Variants in TMTC2 observed in about 807,000 individuals in gnomAD.
The protein encoded by TMTC2 is protein O-mannosyl-transferase TMTC2.
A neutral mutation model predicts 82.4 loss-of-function variants in TMTC2; 43 were observed. The observed-to-expected ratio is 0.52, with a 90% confidence interval of 0.41 to 0.67. TMTC2 has a LOEUF of 0.67. Ranked by LOEUF, TMTC2 falls within the 30% of genes least tolerant of loss-of-function variation. TMTC2 has a pLI of 0.00. For synonymous variants in TMTC2, 408 were observed against 381.9 expected (o/e 1.07, Z -0.80); for missense variants, 919 against 1,012.4 (o/e 0.91, Z 1.25).
Position 83,050,916 on chromosome 12 carries a change from T to A in TMTC2, c.2165T>A (p.Leu722Gln). The change falls in exon 10 of 12, where the codon CTG (leucine) becomes CAG (glutamine). Residue 722 changes from leucine (L) to glutamine (Q), a missense_variant. By Grantham distance (113) the Leu-to-Gln change is moderately radical (BLOSUM62 -2). Coordinates refer to ENST00000321196, the MANE Select transcript of TMTC2 (RefSeq NM_152588.3). ...NCYMHYGQFL[L>Q]EEARLIEAAE... ...TTATACTTTTCAGGTCAGTTTCTTC[T>A]GGAAGAAGCTCGTCTCATAGAAGCA... 1 of 1,612,624 alleles carries A rather than the reference T, an allele frequency of 6.2e-7. No individual in the cohort carries two copies. Among genetic ancestry groups the A allele is most frequent in the Non-Finnish European group, 8.5e-7 (1 of 1,179,198 alleles).
intron 1 of TMTC2, among the ~76,000 whole-genome samples, chr12:82,855,468 A>C (rs10466960): frequency 0.26 from 39,774 of 152,150 alleles, 11,645 homozygotes; most frequent in African/African-American, 0.73. Flanking sequence ...AGTCTCCCAC[A>C]ACATAGTCTT....
intron 11 of TMTC2, among the ~76,000 whole-genome samples, chr12:83,070,421 C>G (rs1203006761): frequency 6.6e-6 from 1 of 151,472 alleles, no homozygotes; most frequent in Admixed American, 6.6e-5. Context: ...AGATGTATTC[C>G]TAAGTATTTT....
At chr12:82,760,318 T>G (rs1274011590) in intron 1 of TMTC2, 1 of 152,146 alleles carries the variant, frequency 6.6e-6, no homozygotes, top group Non-Finnish European at 1.5e-5. Context: ...GACCAGGTCT[T>G]TCTGTTTATA....
At chr12:82,862,443 A>G (rs1283037431) in intron 2 of TMTC2, among the ~76,000 whole-genome samples, 1 of 152,238 alleles carries the variant, frequency 6.6e-6, no homozygotes, top group Non-Finnish European at 1.5e-5. Flanking sequence ...CTGAAAGTCA[A>G]TGTAGCAATA....
intron 1 of TMTC2, among the ~76,000 whole-genome samples, chr12:82,736,056 C>A (rs546331333): frequency 2.6e-5 from 4 of 152,012 alleles, no homozygotes; most frequent in Non-Finnish European, 4.4e-5. Flanking sequence ...ATGCCTCCCT[C>A]GCCTTATCCT....
Position 82,801,995 on chromosome 12 carries a change from G to C in TMTC2, c.84-55015G>C, listed in dbSNP as rs552454367. ...CTTCACCCAGTGGATCCTGCACGGGGGCACAGGTGGAGCTGCCTGCCAGTC... is the reference window on the plus strand; with the variant it reads ...CTTCACCCAGTGGATCCTGCACGGGCGCACAGGTGGAGCTGCCTGCCAGTC... On this transcript the variant is annotated intron_variant, in intron 1 of 11. Coordinates refer to ENST00000321196, the MANE Select transcript of TMTC2 (RefSeq NM_152588.3). 8.2e-4 allele frequency among the ~76,000 whole-genome samples: 125 copies of C among 152,130 alleles called. 2 individuals carry two copies. Among genetic ancestry groups the C allele is most frequent in the South Asian group, 2.3e-3 (11 of 4,816 alleles).
intron 8 of TMTC2, among the ~76,000 whole-genome samples, chr12:83,024,892 G>A (rs1881093377): frequency 6.6e-6 from 1 of 152,082 alleles, no homozygotes; most frequent in Admixed American, 6.6e-5. Context: ...AAACTATTAA[G>A]TTATATAAAG....
chr12:82,915,627 G>A (rs879887756), intron 3 of TMTC2, among the ~76,000 whole-genome samples: 3 of 152,128 alleles, frequency 2.0e-5, no homozygotes, highest in Admixed American at 1.3e-4. Flanking sequence ...GGGAATTTAA[G>A]GGAGAAAATG....
chr12:82,882,275 A>G lies in TMTC2; in HGVS notation c.655-13543A>G, dbSNP rs189291964. On this transcript the variant is annotated intron_variant, in intron 2 of 11. Coordinates refer to ENST00000321196, the MANE Select transcript of TMTC2 (RefSeq NM_152588.3). ...CGGCCTCCCAAAGTGCTGGGATTACAGGCGTGAGCCACCGCGCCCGGCCAA... is the reference window on the plus strand; with the variant it reads ...CGGCCTCCCAAAGTGCTGGGATTACGGGCGTGAGCCACCGCGCCCGGCCAA... Among the ~76,000 whole-genome samples, 907 of 152,194 alleles carry G rather than the reference A, an allele frequency of 6.0e-3. 7 individuals are homozygous for G. Among genetic ancestry groups the G allele is most frequent in the African/African-American group, 0.021 (859 of 41,532 alleles).
intron 9 of TMTC2, among the ~76,000 whole-genome samples, chr12:83,033,474 C>T (rs1360336382): frequency 1.3e-5 from 2 of 152,230 alleles, no homozygotes; most frequent in South Asian, 2.1e-4. Flanking sequence ...ATTCTGAGTT[C>T]GGGCACGGCG....
At chr12:82,697,306 T>C (rs1240603150) in intron 1 of TMTC2, among the ~76,000 whole-genome samples, 1 of 135,652 alleles carries the variant, frequency 7.4e-6, no homozygotes, top group Non-Finnish European at 1.5e-5. Context: ...ATCACGCCAC[T>C]GCACTCCAGC....
intron 8 of TMTC2, among the ~76,000 whole-genome samples, chr12:83,015,977 C>T (rs1400424947): frequency 3.3e-5 from 5 of 152,118 alleles, no homozygotes; most frequent in East Asian, 3.9e-4. Context: ...ACTCTAGAAG[C>T]GAAAGTGAAT....
intron 9 of TMTC2, among the ~76,000 whole-genome samples, chr12:83,040,124 A>G (rs529354765): frequency 6.6e-6 from 1 of 152,260 alleles, no homozygotes; most frequent in East Asian, 1.9e-4. Flanking sequence ...CATTACCCCT[A>G]TTTTACGGAT....
At chr12:83,109,873 T>C (rs1884541096) in intron 11 of TMTC2, among the ~76,000 whole-genome samples, 7 of 152,226 alleles carry the variant, frequency 4.6e-5, no homozygotes, top group Admixed American at 4.6e-4. Flanking sequence ...TTTTCTTTAT[T>C]CTTTATTTTA....
At chr12:82,995,337 TAC>T (rs59534444) in intron 8 of TMTC2, among the ~76,000 whole-genome samples, 10,481 of 150,146 alleles carry the variant, frequency 0.07, 490 homozygotes, top group African/African-American at 0.13. Context: ...CACACACACA[TAC>T]ACACACACAC....
In TMTC2 at chr12:82,844,243, T is replaced by A. The variant is rs151309956; in HGVS notation, c.84-12767T>A. On this transcript the variant is annotated intron_variant, in intron 1 of 11. Transcript: ENST00000321196. The stretch of plus-strand genomic sequence containing the variant: ...TGACCCCACAGGATGTGAATTTTTT[T>A]AAAGTAATACTTGAATAGTTAGAGG... 5.1e-3 allele frequency among the ~76,000 whole-genome samples: 777 copies of A among 152,292 alleles called. 1 individual carries two copies. Among genetic ancestry groups the A allele is most frequent in the Non-Finnish European group, 8.0e-3 (544 of 68,020 alleles).
chr12:82,968,976 G>A (rs1878337006), intron 7 of TMTC2, among the ~76,000 whole-genome samples: 1 of 152,012 alleles, frequency 6.6e-6, no homozygotes. Context: ...TTTATGTGAA[G>A]GTCTGCTAGC....
At chr12:82,856,228 G>A (rs919055193) in intron 1 of TMTC2, among the ~76,000 whole-genome samples, 6 of 152,134 alleles carry the variant, frequency 3.9e-5, no homozygotes, top group African/African-American at 1.4e-4. Context: ...GCATGCAAAT[G>A]GAAACTATCC....
intron 1 of TMTC2, among the ~76,000 whole-genome samples, chr12:82,847,933 C>G (rs2137101394): frequency 6.6e-6 from 1 of 152,124 alleles, no homozygotes; most frequent in African/African-American, 2.4e-5. Context: ...TACCCTAGAA[C>G]TTAAAGTATA....
Sources: gnomAD v4.1 joint callset for allele counts (sites outside exome capture counted in the v4.1 genomes callset) on GRCh38, gnomAD v4.1.1 for gene constraint, MANE v1.5 for transcripts, NCBI Gene and HGNC (gene_info 2026-07-23, HGNC 2026-07-21) for gene names.